GJB2: variants seen among roughly 807,000 people sequenced by gnomAD.
GJB2 encodes gap junction beta-2 protein.
In GJB2, 30 loss-of-function variants were observed where a neutral mutation model predicts 16.0. The observed-to-expected ratio is 1.88, with a 90% CI of 1.41 to 2.55. GJB2 has a LOEUF of 2.55. GJB2 is among the 30% of genes most tolerant of loss of function. The pLI, the probability that GJB2 is intolerant of heterozygous loss-of-function variation, is 0.00. For synonymous variants in GJB2, 123 were observed against 119.1 expected, an observed-to-expected ratio of 1.03 and a Z score of -0.21; for missense variants, 284 against 289.7, an observed-to-expected ratio of 0.98 and a Z score of 0.14.
rs758452984 is a variant in GJB2, at chr13:20,189,276, C to G, written c.306G>C (p.Lys102Asn). 1.2e-6 allele frequency: 2 copies of G among 1,613,902 alleles called. No individual in the cohort carries two copies. The highest frequency in any genetic ancestry group is 2.2e-5 in the South Asian group (2 of 91,080). Residue 102 changes from lysine (K) to asparagine (N), a missense_variant, in exon 2 of 2, where the codon AAG (lysine) becomes AAC (asparagine). By Grantham distance (94) the Lys-to-Asn change is moderately conservative (BLOSUM62 0). Coordinates refer to ENST00000382848, the MANE Select transcript of GJB2 (RefSeq NM_004004.6). ...TCTCCCCCTTGATGAACTTCCTCTT[C>G]TTCTCATGTCTCCGGTAGGCCACGT... ...AMHVAYRRHE[K>N]KRKFIKGEIK... is the part of the protein sequence containing the mutation.
chr13:20,189,103 C>CCGG lies in GJB2; in HGVS notation c.478_479insCCG (p.Asp159_Gly160insAla). On this transcript the variant is annotated inframe_insertion, in exon 2 of 2. Transcript: ENST00000382848. Reference sequence around the variant, plus strand: ...CTTCACCAGCCGCTGCATGGAGAAGCCGTCGTACATGACATAGAAGACGTA... The same window carrying CCGG: ...CTTCACCAGCCGCTGCATGGAGAAGCCGGCGTCGTACATGACATAGAAGACGTA... 6.2e-7 allele frequency: 1 copy of CCGG among 1,614,110 alleles called. No individual in the cohort carries two copies. Among genetic ancestry groups the CCGG allele is most frequent in the Non-Finnish European group, 8.5e-7 (1 of 1,180,032 alleles).
Position 20,188,964 on chromosome 13 carries a change from A to G in GJB2, c.618T>C (p.Asn206=). 1 of 1,614,018 alleles carries G rather than the reference A, an allele frequency of 6.2e-7. No individual in the cohort carries two copies. Among genetic ancestry groups the G allele is most frequent in the Non-Finnish European group, 8.5e-7 (1 of 1,180,002 alleles). ...IAVSGICILL[N]VTELCYLLIR... is the part of the protein sequence containing the mutation. ...TTAGCAAATAACACAATTCAGTGAC[A>G]TTCAGCAGGATGCAAATTCCAGACA... The change falls in exon 2 of 2, where the codon AAT becomes AAC. Residue 206 remains asparagine, a synonymous_variant. Transcript: ENST00000382848.
Position 20,189,169 on chromosome 13 carries a change from C to T in GJB2, c.413G>A (p.Ser138Asn). 6.2e-7 allele frequency: 1 copy of T among 1,614,062 alleles called. No individual in the cohort carries two copies. Among genetic ancestry groups the T allele is most frequent in the Non-Finnish European group, 8.5e-7 (1 of 1,180,030 alleles). Reference protein sequence around the residue: ...IEGSLWWTYTSSIFFRVIFEA... With the variant: ...IEGSLWWTYTNSIFFRVIFEA... Reference sequence around the variant, plus strand: ...GAAGATGACCCGGAAGAAGATGCTGCTTGTGTAGGTCCACCACAGGGAGCC... The same window carrying T: ...GAAGATGACCCGGAAGAAGATGCTGTTTGTGTAGGTCCACCACAGGGAGCC... The change falls in exon 2 of 2, where the codon AGC (serine) becomes AAC (asparagine). Residue 138 changes from serine to asparagine, a missense_variant. Coordinates refer to ENST00000382848, the MANE Select transcript of GJB2 (RefSeq NM_004004.6).
rs1959046618 is a variant in GJB2 at position 20,187,531 on chromosome 13, G to A, written c.*1370C>T. ...TTTGATACATTACAAAATTATTTTA[G>A]TTACAAGCATATCATTAAAGCTATT... On this transcript the variant is annotated 3_prime_UTR_variant, in exon 2 of 2. Coordinates refer to ENST00000382848, the MANE Select transcript of GJB2 (RefSeq NM_004004.6). The A allele has an allele frequency of 1.3e-5, 2 of 151,932 alleles. No individual in the cohort carries two copies. The highest frequency in any genetic ancestry group is 4.8e-5 in the African/African-American group (2 of 41,340). The allele number at this position is 151,932 out of a possible 1,614,324, so 9.4% of individuals were successfully genotyped here. A position where few individuals can be genotyped will look rare whatever the true frequency, so the allele number is the denominator to read the frequency against.
In GJB2 at chr13:20,189,438, C is replaced by G; in HGVS notation, c.144G>C (p.Gln48His). Reference protein sequence around the residue: ...VAAKEVWGDEQADFVCNTLQP... With the variant: ...VAAKEVWGDEHADFVCNTLQP... ...GCAGGGTGTTGCAGACAAAGTCGGC[C>G]TGCTCATCTCCCCACACCTCCTTTG... Residue 48 changes from glutamine (Q) to histidine (H), a missense_variant, in exon 2 of 2, where the codon CAG becomes CAC. Gln to His is a conservative substitution (Grantham distance 24). Transcript: ENST00000382848. 1 of 1,612,260 alleles carries G rather than the reference C, an allele frequency of 6.2e-7. No homozygotes were observed. Among genetic ancestry groups the G allele is most frequent in the South Asian group, 1.1e-5 (1 of 91,052 alleles).
At chr13:20,190,720 C>T (rs776814250) in intron 1 of GJB2, among the ~76,000 whole-genome samples, 1 of 152,224 alleles carries the variant, frequency 6.6e-6, no homozygotes, top group Admixed American at 6.5e-5. Flanking sequence ...CCACAACCAA[C>T]GCTCTCCTAA....
In GJB2 at chr13:20,189,734, CA is replaced by C. The variant is rs1170091565; in HGVS notation, c.-22-132del. 3 of 747,876 alleles carry C rather than the reference CA, an allele frequency of 4.0e-6. No homozygotes were observed. In the African/African-American group the frequency reaches 5.2e-5, roughly 13 times the overall value. 46.3% of individuals were successfully genotyped at this position (747,876 alleles called of 1,614,324 possible). A position where few individuals can be genotyped will look rare whatever the true frequency, so the allele number is the denominator to read the frequency against. On this transcript the variant is annotated intron_variant, in intron 1 of 1. Transcript: ENST00000382848. ...AACACCAACTCTTACACAACCTCAC[CA>C]AAACAGGTGAAGACAGAACCAACTT...
chr13:20,190,008 C>A (rs9578261), intron 1 of GJB2, among the ~76,000 whole-genome samples: 1 of 152,156 alleles, frequency 6.6e-6, no homozygotes, highest in Non-Finnish European at 1.5e-5. Flanking sequence ...AGTTACTCAG[C>A]GTTCAACAGC....
At position 20,189,261 on chromosome 13, in the gene GJB2, G is replaced by A. The variant is rs1057502788; in HGVS notation, c.321C>T (p.Ile107=). Reference sequence around the variant, plus strand: ...TAAATTCACTCTTTATCTCCCCCTTGATGAACTTCCTCTTCTTCTCATGTC... The same window carrying A: ...TAAATTCACTCTTTATCTCCCCCTTAATGAACTTCCTCTTCTTCTCATGTC... ...YRRHEKKRKF[I]KGEIKSEFKD... The change falls in exon 2 of 2, where the codon ATC becomes ATT. Residue 107 remains isoleucine (I), a synonymous_variant. Coordinates refer to ENST00000382848, the MANE Select transcript of GJB2 (RefSeq NM_004004.6). The A allele has an allele frequency of 2.5e-6, 4 of 1,612,954 alleles. No homozygotes were observed. Among genetic ancestry groups the A allele is most frequent in the Non-Finnish European group, 3.4e-6 (4 of 1,179,524 alleles).
At chr13:20,191,846 G>T (rs1959078417) in intron 1 of GJB2, among the ~76,000 whole-genome samples, 2 of 152,236 alleles carry the variant, frequency 1.3e-5, no homozygotes, top group Non-Finnish European at 1.5e-5. Context: ...GGTCGACCTT[G>T]CCTGGCTGTC....
At position 20,189,588 on chromosome 13, in the gene GJB2, C is replaced by T. The variant is rs398123813; in HGVS notation, c.-7G>A. ...GCAGCGTGCCCCAATCCATCTTCTACTCTGGGCGGTTTGCTCTGGAAAAGA... is the reference window on the plus strand; with the variant it reads ...GCAGCGTGCCCCAATCCATCTTCTATTCTGGGCGGTTTGCTCTGGAAAAGA... On this transcript the variant is annotated 5_prime_UTR_variant, in exon 2 of 2. Transcript: ENST00000382848. 21 of 1,613,772 alleles carry T rather than the reference C, an allele frequency of 1.3e-5. No homozygotes were observed. The Admixed American group carries it at 2.2e-4, about 17-fold the overall frequency.
At chr13:20,189,829 A>G in intron 1 of GJB2, 1 of 574,828 alleles carries the variant, frequency 1.7e-6, no homozygotes, top group East Asian at 3.1e-5. Flanking sequence ...TTCTCTGATA[A>G]AAAGTAGCTT....
At position 20,189,549 on chromosome 13, in the gene GJB2, C is replaced by A. The variant is rs753943758; in HGVS notation, c.33G>T (p.Gly11=). The A allele has an allele frequency of 5.0e-6, 8 of 1,613,954 alleles. No individual in the cohort carries two copies. In the Admixed American group the frequency reaches 8.3e-5, roughly 17 times the overall value. The change falls in exon 2 of 2, where the codon GGG becomes GGT. Residue 11 remains glycine (G), a synonymous_variant. Coordinates refer to ENST00000382848, the MANE Select transcript of GJB2 (RefSeq NM_004004.6). MDWGTLQTIL[G]GVNKHSTSIG... Reference sequence around the variant, plus strand: ...TGCTGGTGGAGTGTTTGTTCACACCCCCCAGGATCGTCTGCAGCGTGCCCC... The same window carrying A: ...TGCTGGTGGAGTGTTTGTTCACACCACCCAGGATCGTCTGCAGCGTGCCCC...
In GJB2 at chr13:20,189,607, G is replaced by T. The variant is rs992587820; in HGVS notation, c.-22-4C>A. The T allele has an allele frequency of 6.2e-7, 1 of 1,602,752 alleles. No individual in the cohort carries two copies. The highest frequency in any genetic ancestry group is 1.3e-5 in the African/African-American group (1 of 74,704). On this transcript the variant is annotated splice_region_variant and splice_polypyrimidine_tract_variant and intron_variant, in intron 1 of 1. Coordinates refer to ENST00000382848, the MANE Select transcript of GJB2 (RefSeq NM_004004.6). ...CTTCTACTCTGGGCGGTTTGCTCTG[G>T]AAAAGACGAATGCACACAACACAGG...
rs1336553016 is a variant in GJB2, at chr13:20,192,861, T to TA, written c.-102dup. The stretch of plus-strand genomic sequence containing the variant: ...CTCTGCGCTGGGGCTCCTGCGCTCC[T>TA]AGGCGGGTCCTGGGCCGGGCGCCGC... On this transcript the variant is annotated 5_prime_UTR_variant, in exon 1 of 2. Transcript: ENST00000382848. The TA allele has an allele frequency of 6.5e-6, 1 of 152,910 alleles. No individual in the cohort carries two copies. Among genetic ancestry groups the TA allele is most frequent in the Non-Finnish European group, 1.5e-5 (1 of 68,330 alleles). The allele number at this position is 152,910 out of a possible 1,614,324, so 9.5% of individuals were successfully genotyped here.
Position 20,188,819 on chromosome 13 carries a change from C to A in GJB2, c.*82G>T. The A allele has an allele frequency of 9.0e-7, 1 of 1,105,308 alleles. No homozygotes were observed. Among genetic ancestry groups the A allele is most frequent in the South Asian group, 1.2e-5 (1 of 80,016 alleles). 68.5% of individuals were successfully genotyped at this position (1,105,308 alleles called of 1,614,324 possible). Reference sequence around the variant, plus strand: ...GAATCTTTGTGTTGGGAAATGCTAGCGACTGAGCCTTGACAGCTGAGCACG... The same window carrying A: ...GAATCTTTGTGTTGGGAAATGCTAGAGACTGAGCCTTGACAGCTGAGCACG... On this transcript the variant is annotated 3_prime_UTR_variant, in exon 2 of 2. Transcript: ENST00000382848.
In GJB2 at chr13:20,189,420, G is replaced by A. The variant is rs104894412; in HGVS notation, c.162C>T (p.Asn54=). The A allele has an allele frequency of 6.2e-7, 1 of 1,612,582 alleles. No homozygotes were observed. The highest frequency in any genetic ancestry group is 1.1e-5 in the South Asian group (1 of 91,066). ...WGDEQADFVC[N]TLQPGCKNVC... is the part of the protein sequence containing the mutation. ...CGTTCTTGCAGCCTGGCTGCAGGGT[G>A]TTGCAGACAAAGTCGGCCTGCTCAT... The change falls in exon 2 of 2, where the codon AAC becomes AAT. Residue 54 remains asparagine, a synonymous_variant. Transcript: ENST00000382848.
chr13:20,190,452 G>C (rs1038095477), intron 1 of GJB2, among the ~76,000 whole-genome samples: 2 of 152,172 alleles, frequency 1.3e-5, no homozygotes, highest in African/African-American at 4.8e-5. Context: ...TTATAATTGT[G>C]GGCTGTGGTT....
In GJB2 at chr13:20,189,027, G is replaced by A. The variant is rs754533609; in HGVS notation, c.555C>T (p.Pro185=). Residue 185 remains proline (P), a synonymous_variant, in exon 2 of 2, where the codon CCC becomes CCT. Transcript: ENST00000382848. ...PNTVDCFVSR[P]TEKTVFTVFM... is the part of the protein sequence containing the mutation. ...ACACTGTGAAGACAGTCTTCTCCGT[G>A]GGCCGGGACACAAAGCAGTCCACAG... 3 of 1,614,076 alleles carry A rather than the reference G, an allele frequency of 1.9e-6. No individual in the cohort carries two copies. The highest frequency in any genetic ancestry group is 1.7e-6 in the Non-Finnish European group (2 of 1,179,974).
Sources: gnomAD v4.1 joint callset for allele counts (sites outside exome capture counted in the v4.1 genomes callset) on GRCh38, gnomAD v4.1.1 for gene constraint, MANE v1.5 for transcripts, NCBI Gene and HGNC (gene_info 2026-07-23, HGNC 2026-07-21) for gene names.